Variants in BBS2 observed in about 807,000 individuals in gnomAD.
BBS2 encodes the protein Bardet-Biedl syndrome 2.
Under a neutral mutation model 83.0 loss-of-function variants are expected in BBS2, and 62 were observed. The ratio of observed to expected loss-of-function variants is 0.75; its 90% CI spans 0.61 to 0.92. BBS2 has a LOEUF of 0.92. Ranked by LOEUF, BBS2 falls within the 40% of genes least tolerant of loss-of-function variation. The pLI is 0.00. For synonymous variants in BBS2, 303 were observed against 326.1 expected (o/e 0.93, Z 0.76); for missense variants, 784 against 901.0 (o/e 0.87, Z 1.66).
intron 15 of BBS2, among the ~76,000 whole-genome samples, chr16:56,495,373 G>A (rs137875917): frequency 7.2e-5 from 11 of 152,180 alleles, no homozygotes; most frequent in South Asian, 2.1e-4. Context: ...CACTACTCAC[G>A]AAGTATTCTT....
Position 56,519,888 on chromosome 16 carries a change from G to A in BBS2, c.-26C>T, listed in dbSNP as rs199886780. ...GATGGCGGCGGCTTAGGGGAGGAGG[G>A]CTGGAAGCTGGAGACAAGCGCAGCG... On this transcript the variant is annotated 5_prime_UTR_variant, in exon 1 of 17. Transcript: ENST00000245157. 3.6e-5 allele frequency: 57 copies of A among 1,576,814 alleles called. No individual in the cohort carries two copies. The highest frequency in any genetic ancestry group is 2.6e-4 in the African/African-American group (19 of 74,226).
At chr16:56,484,030 C>T (rs1219484720), downstream of BBS2, among the ~76,000 whole-genome samples, 8 of 119,064 alleles carry the variant, frequency 6.7e-5, no homozygotes, top group East Asian at 2.5e-4. Flanking sequence ...TTTTTTTAGA[C>T]GGGAGTCTTG....
At chr16:56,510,763 C>A (rs1964553471) in intron 4 of BBS2, 96 bp downstream of exon 4, 25 of 1,338,172 alleles carry the variant, frequency 1.9e-5, no homozygotes, top group Non-Finnish European at 2.7e-5. Flanking sequence ...CAAAATCAGC[C>A]AGGAGAAGCT....
intron 5 of BBS2, among the ~76,000 whole-genome samples, chr16:56,508,683 T>C (rs2398257): frequency 0.54 from 25,344 of 46,740 alleles, 2,301 homozygotes; most frequent in East Asian, 0.58. Context: ...TTGTTCTCGT[T>C]GCCCCTGGGT....
At chr16:56,498,413 A>G (rs1964171606) in intron 13 of BBS2, 24 bp downstream of exon 13, 4 of 1,613,280 alleles carry the variant, frequency 2.5e-6, no homozygotes, top group Non-Finnish European at 3.4e-6. Context: ...AAAGAAATCT[A>G]TGCCCCGTGA....
downstream of BBS2, among the ~76,000 whole-genome samples, chr16:56,479,778 C>T (rs1203710025): frequency 6.6e-6 from 1 of 152,238 alleles, no homozygotes; most frequent in Non-Finnish European, 1.5e-5. Flanking sequence ...GGGCCTGCAA[C>T]CGCTCCACCT....
chr16:56,486,822 G>A (rs1339941534), intron 15 of BBS2, among the ~76,000 whole-genome samples: 1 of 149,754 alleles, frequency 6.7e-6, no homozygotes, highest in East Asian at 2.0e-4. Context: ...GAGTGCAATG[G>A]CACGATCTCG....
intron 15 of BBS2, among the ~76,000 whole-genome samples, chr16:56,486,507 A>G (rs1963780595): frequency 6.6e-6 from 1 of 152,252 alleles, no homozygotes; most frequent in South Asian, 2.1e-4. Context: ...ATGGAATACT[A>G]TTCAGCAATA....
At position 56,485,018 on chromosome 16, in the gene BBS2, G is replaced by A. The variant is rs142673214; in HGVS notation, c.2060-151C>T. On this transcript the variant is annotated intron_variant, in intron 16 of 16. Transcript: ENST00000245157. The stretch of plus-strand genomic sequence containing the variant: ...ACCATTCCCTAAAAAAAATAACTTG[G>A]TGAGGGAATTATTGAAAAAACTGAC... 9.7e-3 allele frequency: 6,740 copies of A among 693,464 alleles called. 51 individuals are homozygous for A. The highest frequency in any genetic ancestry group is 0.013 in the Non-Finnish European group (5,076 of 399,870). The allele number at this position is 693,464 out of a possible 1,614,324, so 43.0% of individuals were successfully genotyped here.
Position 56,502,795 on chromosome 16 carries a change from C to T in BBS2, c.818G>A (p.Ser273Asn). 4 of 1,614,178 alleles carry T rather than the reference C, an allele frequency of 2.5e-6. No individual in the cohort carries two copies. The South Asian group carries it at 4.4e-5, about 18-fold the overall frequency. Residue 273 changes from serine to asparagine, a missense_variant, in exon 8 of 17, where the codon AGT becomes AAT. Transcript: ENST00000245157. ...GWSNGKVDAR[S>N]DRTGEVIFKD... The stretch of plus-strand genomic sequence containing the variant: ...AAAGATGACCTCCCCAGTTCGGTCA[C>T]TTCGAGCATCAACCTACAAATAAAA...
Position 56,484,671 on chromosome 16 carries a change from G to T in BBS2, c.*90C>A. 1.9e-6 allele frequency: 2 copies of T among 1,028,098 alleles called. No individual in the cohort carries two copies. The highest frequency in any genetic ancestry group is 2.5e-5 in the East Asian group (1 of 40,356). 63.7% of individuals were successfully genotyped at this position (1,028,098 alleles called of 1,614,324 possible). On this transcript the variant is annotated 3_prime_UTR_variant, in exon 17 of 17. Transcript: ENST00000245157. Reference sequence around the variant, plus strand: ...AGGTTATTTTCATTCTTAGCACCCGGGGTTCACCAGGGTGTGATCCAAAGC... The same window carrying T: ...AGGTTATTTTCATTCTTAGCACCCGTGGTTCACCAGGGTGTGATCCAAAGC...
chr16:56,516,132 T>A (rs1359062886), intron 1 of BBS2: 1 of 152,036 alleles, frequency 6.6e-6, no homozygotes, highest in East Asian at 1.9e-4. Flanking sequence ...TTCCCCCAGT[T>A]CCCTCCTGCT....
intron 17 of BBS2, chr16:56,476,027 G>C: frequency 6.2e-7 from 1 of 1,603,902 alleles, no homozygotes; most frequent in Non-Finnish European, 8.5e-7. Flanking sequence ...ATGTGTCACT[G>C]TATTTGTCTT....
chr16:56,507,848 A>G (rs1964465453), intron 5 of BBS2, among the ~76,000 whole-genome samples: 1 of 152,090 alleles, frequency 6.6e-6, no homozygotes, highest in Non-Finnish European at 1.5e-5. Flanking sequence ...GGTGCCTGTA[A>G]TCCCAGCTAC....
At chr16:56,490,149 C>CAA (rs1329110345) in intron 15 of BBS2, among the ~76,000 whole-genome samples, 3 of 139,170 alleles carry the variant, frequency 2.2e-5, no homozygotes, top group African/African-American at 8.3e-5. Context: ...CACACACACA[C>CAA]AAAAATAATA....
intron 15 of BBS2, among the ~76,000 whole-genome samples, chr16:56,493,796 C>T (rs1369220044): frequency 6.6e-6 from 1 of 152,106 alleles, no homozygotes; most frequent in Non-Finnish European, 1.5e-5. Flanking sequence ...ACGGAAACTC[C>T]CTGCTGGGAT....
At chr16:56,472,472 G>GA (rs1349205964) in intron 17 of BBS2, among the ~76,000 whole-genome samples, 1 of 152,186 alleles carries the variant, frequency 6.6e-6, no homozygotes, top group Non-Finnish European at 1.5e-5. Flanking sequence ...CCATCTTGAA[G>GA]AAAAGCTATA....
rs1963979697 is a variant in BBS2, at chr16:56,492,376, C to CT, written c.1910+4590dup. ...CAATATGTGACAACATGGACGAACT[C>CT]TGAGGATGTTACACTGAGTGAAATA... On this transcript the variant is annotated intron_variant, in intron 15 of 16. Coordinates refer to ENST00000245157, the MANE Select transcript of BBS2 (RefSeq NM_031885.5). Among the ~76,000 whole-genome samples, 3 of 152,272 alleles carry CT rather than the reference C, an allele frequency of 2.0e-5. No individual in the cohort carries two copies. In the South Asian group the frequency reaches 6.2e-4, roughly 32 times the overall value.
At chr16:56,476,147 A>C in intron 17 of BBS2, 1 of 1,613,792 alleles carries the variant, frequency 6.2e-7, no homozygotes, top group Non-Finnish European at 8.5e-7. Flanking sequence ...CTGGAACAAA[A>C]GAAAACCTTC....
Sources: allele counts gnomAD v4.1 joint callset (sites outside exome capture counted in the v4.1 genomes callset), GRCh38; gene constraint gnomAD v4.1.1; transcripts MANE v1.5; gene names NCBI Gene and HGNC (gene_info 2026-07-23, HGNC 2026-07-21).